The following RBFOX1 variants were observed in gnomAD, a reference collection of about 807,000 sequenced individuals.
RBFOX1 encodes RNA binding fox-1 homolog 1, also known as RNA binding protein fox-1 homolog 1.
Under a neutral mutation model 57.7 loss-of-function variants are expected in RBFOX1, and 8 were observed. The ratio of observed to expected loss-of-function variants is 0.14; its 90% CI spans 0.08 to 0.25. The LOEUF (loss-of-function observed/expected upper bound fraction) is 0.25. RBFOX1 is among the 10% of genes least tolerant of loss of function. RBFOX1 has a pLI of 1.00. For missense variants in RBFOX1, 611 were observed against 548.5 expected (o/e 1.11, Z -1.14); for synonymous variants, 326 against 222.4 (o/e 1.47, Z -4.15).
At chr16:6,852,869 A>G (rs1179042508) in intron 3 of RBFOX1, among the ~76,000 whole-genome samples, 1 of 152,070 alleles carries the variant, frequency 6.6e-6, no homozygotes, top group Non-Finnish European at 1.5e-5. Context: ...TGTCCAGGTG[A>G]GGTGCATGCT....
chr16:7,042,447 G>C (rs566536440), intron 3 of RBFOX1, among the ~76,000 whole-genome samples: 1 of 152,156 alleles, frequency 6.6e-6, no homozygotes, highest in African/African-American at 2.4e-5. Context: ...CTCACTCTGT[G>C]CCTCAGTTTT....
chr16:5,254,155 T>G (rs1463974258), intron 1 of RBFOX1, among the ~76,000 whole-genome samples: 1 of 152,232 alleles, frequency 6.6e-6, no homozygotes, highest in Non-Finnish European at 1.5e-5. Flanking sequence ...GCATGCCCAT[T>G]TTACAGATGA....
intron 2 of RBFOX1, among the ~76,000 whole-genome samples, chr16:6,636,866 ATT>A (rs1350738855): frequency 7.8e-6 from 1 of 128,848 alleles, no homozygotes; most frequent in Admixed American, 8.8e-5. Context: ...TATAATATAT[ATT>A]ATATGTTTAA....
intron 4 of RBFOX1, among the ~76,000 whole-genome samples, chr16:5,913,089 T>G (rs1397661964): frequency 6.6e-6 from 1 of 152,196 alleles, no homozygotes; most frequent in African/African-American, 2.4e-5. Context: ...CCAAGCTGCA[T>G]GTAGTAGCTA....
At chr16:6,641,951 G>C (rs1010374054) in intron 2 of RBFOX1, among the ~76,000 whole-genome samples, 2 of 151,986 alleles carry the variant, frequency 1.3e-5, no homozygotes, top group African/African-American at 2.4e-5. Flanking sequence ...CCATTCTTTT[G>C]ACTGCGTTAA....
intron 3 of RBFOX1, among the ~76,000 whole-genome samples, chr16:5,694,730 C>A (rs542569647): frequency 1.5e-4 from 23 of 151,824 alleles, no homozygotes; most frequent in Non-Finnish European, 2.6e-4. Flanking sequence ...CTCACAGCCC[C>A]CAACCCCACT....
rs116600850 is a variant in RBFOX1, at chr16:5,815,589, G to A, written c.319-51714G>A. Reference sequence around the variant, plus strand: ...CCAGAGGAGCTGAAGAGAACAAAGTGGACCCTGTTCCAGGAAGGAAGCCAC... The same window carrying A: ...CCAGAGGAGCTGAAGAGAACAAAGTAGACCCTGTTCCAGGAAGGAAGCCAC... On this transcript the variant is annotated intron_variant, in intron 3 of 19. Transcript: ENST00000641259. Among the ~76,000 whole-genome samples, 638 of 152,292 alleles carry A rather than the reference G, an allele frequency of 4.2e-3. 6 individuals are homozygous for A. Among genetic ancestry groups the A allele is most frequent in the African/African-American group, 0.014 (591 of 41,564 alleles).
intron 3 of RBFOX1, among the ~76,000 whole-genome samples, chr16:6,997,180 T>C (rs1455712401): frequency 6.6e-6 from 1 of 152,134 alleles, no homozygotes; most frequent in Non-Finnish European, 1.5e-5. Context: ...AGAATTATCT[T>C]AGCATTTTCC....
At chr16:7,016,914 C>T (rs1468265261) in intron 3 of RBFOX1, among the ~76,000 whole-genome samples, 1 of 152,114 alleles carries the variant, frequency 6.6e-6, no homozygotes, top group Admixed American at 6.5e-5. Context: ...CCTTGAAATC[C>T]CTCACTGGCA....
intron 2 of RBFOX1, among the ~76,000 whole-genome samples, chr16:6,410,350 C>G (rs2093420054): frequency 6.9e-6 from 1 of 145,596 alleles, no homozygotes; most frequent in Admixed American, 7.1e-5. Context: ...CTCTGTTGCC[C>G]AGGCTGGAGG....
chr16:7,440,785 C>T (rs1567180114), intron 4 of RBFOX1, among the ~76,000 whole-genome samples: 1 of 152,104 alleles, frequency 6.6e-6, no homozygotes, highest in Admixed American at 6.5e-5. Context: ...AACTTCATCC[C>T]TTCCTCTCTA....
chr16:6,599,646 T>C (rs1345019990), intron 2 of RBFOX1, among the ~76,000 whole-genome samples: 4 of 152,182 alleles, frequency 2.6e-5, no homozygotes, highest in African/African-American at 4.8e-5. Context: ...GTGACACTAA[T>C]ACTATTCAGC....
intron 1 of RBFOX1, among the ~76,000 whole-genome samples, chr16:5,302,492 T>C (rs186208390): frequency 3.2e-4 from 48 of 152,338 alleles, no homozygotes; most frequent in Admixed American, 2.9e-3. Context: ...ATATGCCTAC[T>C]AATTTTTTCT....
At chr16:6,119,112 C>T (rs1390132617) in intron 1 of RBFOX1, among the ~76,000 whole-genome samples, 1 of 151,378 alleles carries the variant, frequency 6.6e-6, no homozygotes, top group Non-Finnish European at 1.5e-5. Context: ...TGTCAGTTTC[C>T]ACATAGGTTT....
At chr16:7,251,879 G>T (rs558583669) in intron 4 of RBFOX1, among the ~76,000 whole-genome samples, 1 of 152,294 alleles carries the variant, frequency 6.6e-6, no homozygotes, top group East Asian at 1.9e-4. Context: ...GCATATGGTA[G>T]TTCTATTTTT....
At chr16:6,471,761 C>G (rs1481085798) in intron 2 of RBFOX1, among the ~76,000 whole-genome samples, 2 of 152,076 alleles carry the variant, frequency 1.3e-5, no homozygotes, top group East Asian at 3.9e-4. Context: ...GCAAAGGGAT[C>G]TGGAGACTCC....
intron 1 of RBFOX1, among the ~76,000 whole-genome samples, chr16:5,327,842 A>C (rs937512689): frequency 2.6e-5 from 4 of 152,216 alleles, no homozygotes; most frequent in African/African-American, 9.7e-5. Flanking sequence ...ATCCATAGTT[A>C]AAACATCTCT....
intron 1 of RBFOX1, among the ~76,000 whole-genome samples, chr16:5,405,976 A>G (rs1371092349): frequency 6.6e-6 from 1 of 152,132 alleles, no homozygotes; most frequent in African/African-American, 2.4e-5. Context: ...GCATGTCTGG[A>G]CTTGTCTCTC....
At chr16:7,009,628 A>T (rs1200953214) in intron 3 of RBFOX1, among the ~76,000 whole-genome samples, 5 of 152,174 alleles carry the variant, frequency 3.3e-5, no homozygotes, top group African/African-American at 1.2e-4. Flanking sequence ...TGTATAGCAT[A>T]TTGGAATTCT....
Sources: gnomAD v4.1 joint callset for allele counts (sites outside exome capture counted in the v4.1 genomes callset) on GRCh38, gnomAD v4.1.1 for gene constraint, MANE v1.5 for transcripts, NCBI Gene and HGNC (gene_info 2026-07-23, HGNC 2026-07-21) for gene names.